TBC1D31: variants seen among roughly 807,000 people sequenced by gnomAD.
The protein encoded by TBC1D31 is WD repeat domain 67.
TBC1D31 carries 99 observed loss-of-function variants against 132.9 expected under a neutral mutation model. The ratio of observed to expected loss-of-function variants is 0.74; its 90% CI spans 0.63 to 0.88. TBC1D31 has a LOEUF of 0.88. Ranked by LOEUF, TBC1D31 falls within the 40% of genes least tolerant of loss-of-function variation. The pLI is 0.00. For synonymous variants in TBC1D31, 385 were observed against 419.4 expected (o/e 0.92, Z 1.00); for missense variants, 1,134 against 1,256.6 (o/e 0.90, Z 1.48).
intron 2 of TBC1D31, among the ~76,000 whole-genome samples, chr8:123,078,905 CA>C (rs1212225879): frequency 6.6e-6 from 1 of 152,166 alleles, no homozygotes; most frequent in Non-Finnish European, 1.5e-5. Flanking sequence ...AGAAGCCTAG[CA>C]AACACTGCCT....
At chr8:123,094,784 G>T (rs541555300) in intron 5 of TBC1D31, among the ~76,000 whole-genome samples, 1 of 151,854 alleles carries the variant, frequency 6.6e-6, no homozygotes. Context: ...CTGGTGATCC[G>T]CCTGCCTCAG....
At chr8:123,075,528 C>A (rs1814415734) in intron 1 of TBC1D31, among the ~76,000 whole-genome samples, 1 of 152,000 alleles carries the variant, frequency 6.6e-6, no homozygotes, top group Non-Finnish European at 1.5e-5. Flanking sequence ...ATGGTGAAAC[C>A]TTGTCTCTAC....
intron 10 of TBC1D31, among the ~76,000 whole-genome samples, chr8:123,118,556 C>A (rs1020111594): frequency 6.6e-6 from 1 of 151,500 alleles, no homozygotes; most frequent in African/African-American, 2.4e-5. Context: ...ATTTCCAAAA[C>A]AAAGACTCAT....
chr8:123,147,038 A>G (rs912363179), intron 20 of TBC1D31, among the ~76,000 whole-genome samples: 1 of 152,186 alleles, frequency 6.6e-6, no homozygotes, highest in Non-Finnish European at 1.5e-5. Context: ...TAGCACCAAG[A>G]GTACTTCAGG....
Position 123,140,616 on chromosome 8 carries a change from T to G in TBC1D31, c.2500-145T>G, listed in dbSNP as rs1053055970. 1.1e-4 allele frequency: 75 copies of G among 661,820 alleles called. No individual in the cohort carries two copies. In the African/African-American group the frequency reaches 1.4e-3, roughly 12 times the overall value. The allele number at this position is 661,820 out of a possible 1,614,324, so 41.0% of individuals were successfully genotyped here. On this transcript the variant is annotated intron_variant, in intron 17 of 21. Coordinates refer to ENST00000287380, the MANE Select transcript of TBC1D31 (RefSeq NM_145647.4). ...GGGGTCCTTACTCTGCCATTTTTGC[T>G]GATGTCTCCAGTCGTTGAATTTTAC...
rs751887563 is a variant in TBC1D31, at chr8:123,093,688, T to C, written c.617T>C (p.Leu206Ser). The change falls in exon 5 of 22, where the codon TTG (leucine) becomes TCG (serine). Residue 206 changes from leucine to serine, a missense_variant. Physicochemically the swap from Leu to Ser is moderately radical, Grantham distance 145. Coordinates refer to ENST00000287380, the MANE Select transcript of TBC1D31 (RefSeq NM_145647.4). ...ECDTLFCKYQ[L>S]PAPPESSSIL... ...GACACACTTTTTTGCAAATATCAATTGCCAGCTCCACCTGAAAGCTCTAGT... is the reference window on the plus strand; with the variant it reads ...GACACACTTTTTTGCAAATATCAATCGCCAGCTCCACCTGAAAGCTCTAGT... 2 of 1,611,476 alleles carry C rather than the reference T, an allele frequency of 1.2e-6. No homozygotes were observed. The highest frequency in any genetic ancestry group is 1.7e-6 in the Non-Finnish European group (2 of 1,178,210).
intron 4 of TBC1D31, among the ~76,000 whole-genome samples, chr8:123,085,743 T>G (rs1251394831): frequency 6.6e-6 from 1 of 152,256 alleles, no homozygotes; most frequent in Non-Finnish European, 1.5e-5. Context: ...TCCATCCATA[T>G]TATATTTATT....
the TBC1D31 span, among the ~76,000 whole-genome samples, chr8:123,160,574 G>A: frequency 6.6e-6 from 1 of 152,108 alleles, no homozygotes; most frequent in Non-Finnish European, 1.5e-5. Flanking sequence ...CGACCTCCCG[G>A]CTCCCAGACC....
intron 10 of TBC1D31, among the ~76,000 whole-genome samples, chr8:123,117,693 C>G (rs559386431): frequency 7.2e-6 from 1 of 138,912 alleles, no homozygotes; most frequent in East Asian, 2.2e-4. Flanking sequence ...GCGGAGGTTG[C>G]AGTGAGTCGA....
In TBC1D31 at chr8:123,150,069, G is replaced by C. The variant is rs780604534; in HGVS notation, c.3008G>C (p.Ser1003Thr). 38 of 1,613,934 alleles carry C rather than the reference G, an allele frequency of 2.4e-5. No homozygotes were observed. Among genetic ancestry groups the C allele is most frequent in the Non-Finnish European group, 3.1e-5 (37 of 1,179,974 alleles). Residue 1003 changes from serine (S) to threonine (T), a missense_variant, in exon 21 of 22, where the codon AGC (serine) becomes ACC (threonine). By Grantham distance (58) the Ser-to-Thr change is moderately conservative. Transcript: ENST00000287380. ...EPRFQNEQDS[S>T]CLPRTSQLND... Reference sequence around the variant, plus strand: ...AGGTTCCAAAATGAACAGGACTCAAGCTGTTTGCCTAGAACCTCACAATTA... The same window carrying C: ...AGGTTCCAAAATGAACAGGACTCAACCTGTTTGCCTAGAACCTCACAATTA...
intron 10 of TBC1D31, among the ~76,000 whole-genome samples, chr8:123,116,428 T>C (rs1224418844): frequency 6.6e-6 from 1 of 152,180 alleles, no homozygotes; most frequent in African/African-American, 2.4e-5. Flanking sequence ...GAGAGCCAGG[T>C]TTCTTACTCT....
At chr8:123,149,958 T>C in intron 20 of TBC1D31, 78 bp from the exon 21 acceptor site, 3 of 999,814 alleles carry the variant, frequency 3.0e-6, no homozygotes, top group Non-Finnish European at 4.7e-6. Flanking sequence ...GATTGTAACT[T>C]ACTAGGGACC....
rs113498281 is a variant in TBC1D31 at position 123,093,192 on chromosome 8, G to A, written c.520-399G>A. Among the ~76,000 whole-genome samples the A allele has an allele frequency of 3.5e-3, 532 of 151,872 alleles. 4 individuals are homozygous for A. Among genetic ancestry groups the A allele is most frequent in the African/African-American group, 0.011 (462 of 41,394 alleles). On this transcript the variant is annotated intron_variant, in intron 4 of 21. Transcript: ENST00000287380. ...TCGAACTTATGTCCTCAAGTGATCC[G>A]CCTGCTTCGGCCTCCCAAAATGCTG...
chr8:123,147,179 T>C (rs1490631670), intron 20 of TBC1D31, among the ~76,000 whole-genome samples: 1 of 152,050 alleles, frequency 6.6e-6, no homozygotes, highest in Admixed American at 6.5e-5. Flanking sequence ...TTTTTTTGGT[T>C]GTTTGCTTTT....
In TBC1D31 at chr8:123,072,816, A is replaced by G; in HGVS notation, c.47A>G (p.His16Arg). 1 of 1,573,090 alleles carries G rather than the reference A, an allele frequency of 6.4e-7. No homozygotes were observed. Among genetic ancestry groups the G allele is most frequent in the South Asian group, 1.2e-5 (1 of 85,668 alleles). The change falls in exon 1 of 22, where the codon CAC (histidine) becomes CGC (arginine). Residue 16 changes from histidine (H) to arginine (R), a missense_variant. Physicochemically the swap from His to Arg is conservative, Grantham distance 29. Coordinates refer to ENST00000287380, the MANE Select transcript of TBC1D31 (RefSeq NM_145647.4). ...AACAAGGAGAGCGGCAAGATATGGC[A>G]CCGCAAGCCGTCCCCGGCCACGCGG... ...LGNKESGKIWHRKPSPATRDG... is the reference protein window; with the variant it reads ...LGNKESGKIWRRKPSPATRDG...
In TBC1D31 at chr8:123,084,148, A is replaced by G. The variant is rs563645403; in HGVS notation, c.341-14A>G. 2.5e-6 allele frequency: 4 copies of G among 1,612,258 alleles called. No individual in the cohort carries two copies. The East Asian group carries it at 6.7e-5, about 27-fold the overall frequency. ...AGTGTTTTACCTGGGTAACAATTTTACTTTTTACCACAGTCACCAAGGAGC... is the reference window on the plus strand; with the variant it reads ...AGTGTTTTACCTGGGTAACAATTTTGCTTTTTACCACAGTCACCAAGGAGC... On this transcript the variant is annotated splice_polypyrimidine_tract_variant and intron_variant, in intron 3 of 21. Coordinates refer to ENST00000287380, the MANE Select transcript of TBC1D31 (RefSeq NM_145647.4).
intron 1 of TBC1D31, chr8:123,073,341 C>T (rs745677979): frequency 3.7e-5 from 17 of 456,542 alleles, no homozygotes; most frequent in South Asian, 2.6e-4. Context: ...ATTTGTTGAG[C>T]TCCTACTGTG....
At chr8:123,100,435 G>T (rs994868164) in intron 6 of TBC1D31, among the ~76,000 whole-genome samples, 3 of 152,020 alleles carry the variant, frequency 2.0e-5, no homozygotes, top group Non-Finnish European at 4.4e-5. Flanking sequence ...AATTAGCCGG[G>T]CCTGGTGACA....
At chr8:123,102,297 G>C (rs1194749001) in intron 7 of TBC1D31, 1 of 456,226 alleles carries the variant, frequency 2.2e-6, no homozygotes, top group Non-Finnish European at 4.4e-6. Context: ...TAGCAGTTCT[G>C]GGTGTTCCAA....
Sources: gnomAD v4.1 joint callset for allele counts (sites outside exome capture counted in the v4.1 genomes callset) on GRCh38, gnomAD v4.1.1 for gene constraint, MANE v1.5 for transcripts, NCBI Gene and HGNC (gene_info 2026-07-23, HGNC 2026-07-21) for gene names.